MYH4: variants seen among roughly 807,000 people sequenced by gnomAD.
MYH4 encodes the protein myosin-4.
A neutral mutation model predicts 229.9 loss-of-function variants in MYH4; 200 were observed. The ratio of observed to expected loss-of-function variants is 0.87; its 90% confidence interval spans 0.78 to 0.98. The LOEUF (loss-of-function observed/expected upper bound fraction) is 0.98, where lower values mean the gene tolerates loss of function less well. Among genes scored for constraint, MYH4 ranks in the 50% least tolerant of loss-of-function variants. MYH4 has a pLI of 0.00. For synonymous variants in MYH4, 761 were observed against 834.6 expected, an observed-to-expected ratio of 0.91 and a Z score of 1.52; for missense variants, 2,148 against 2,332.6, an observed-to-expected ratio of 0.92 and a Z score of 1.63.
intron 39 of MYH4, 103 bp downstream of exon 39, chr17:10,444,501 G>A (rs2072488596): frequency 1.3e-6 from 1 of 779,428 alleles, no homozygotes; most frequent in Non-Finnish European, 2.1e-6. Context: ...ACCTAATTAT[G>A]TATTCCCAAT....
intron 16 of MYH4, 139 bp downstream of exon 16, chr17:10,457,281 A>T: frequency 1.0e-6 from 1 of 963,486 alleles, no homozygotes; most frequent in Non-Finnish European, 1.5e-6. Flanking sequence ...TATCACAGTT[A>T]TTAAATACAC....
intron 7 of MYH4, among the ~76,000 whole-genome samples, chr17:10,463,856 C>T (rs777531934): frequency 3.9e-5 from 6 of 152,126 alleles, no homozygotes; most frequent in Non-Finnish European, 8.8e-5. Context: ...CAGAAAAGCA[C>T]CTAAAAAATG....
At chr17:10,451,884 C>T (rs2072577221) in intron 27 of MYH4, 57 bp downstream of exon 27, 1 of 1,543,100 alleles carries the variant, frequency 6.5e-7, no homozygotes, top group Non-Finnish European at 8.7e-7. Context: ...CATATATAAA[C>T]TTGGTCATTT....
At position 10,457,615 on chromosome 17, in the gene MYH4, T is replaced by C. The variant is rs779265310; in HGVS notation, c.1702A>G (p.Lys568Glu). The C allele has an allele frequency of 6.2e-7, 1 of 1,614,202 alleles. No individual in the cohort carries two copies. The highest frequency in any genetic ancestry group is 8.5e-7 in the Non-Finnish European group (1 of 1,180,028). ...GGCTTGCCTTTGGCAGGCTTGGGCT[T>C]CTGGAAGTTGTTGGATTTTCCAAGA... ...QHLGKSNNFQ[K>E]PKPAKGKPEA... Residue 568 changes from lysine to glutamate, a missense_variant, in exon 16 of 40, where the codon AAG (lysine) becomes GAG (glutamate). Transcript: ENST00000255381.
At position 10,443,652 on chromosome 17, in the gene MYH4, G is replaced by T; in HGVS notation, c.5668-125C>A. On this transcript the variant is annotated intron_variant, in intron 39 of 39. Transcript: ENST00000255381. This position sits in a 1 kb window ranked among gnomAD's most constrained non-coding sequence, Gnocchi z 4.6. ...AAAGGCTCCGTTGTCCAGGCATGGTGGCTCACACCTGTAATCCCAGCACTC... is the reference window on the plus strand; with the variant it reads ...AAAGGCTCCGTTGTCCAGGCATGGTTGCTCACACCTGTAATCCCAGCACTC... The T allele has an allele frequency of 9.9e-7, 1 of 1,006,986 alleles. No homozygotes were observed. Among genetic ancestry groups the T allele is most frequent in the African/African-American group, 1.6e-5 (1 of 61,810 alleles). The allele number at this position is 1,006,986 out of a possible 1,614,324, so 62.4% of individuals were successfully genotyped here. A position where few individuals can be genotyped will look rare whatever the true frequency, so the allele number is the denominator to read the frequency against.
Position 10,450,652 on chromosome 17 carries a change from A to T in MYH4, c.3985-3T>A. The stretch of plus-strand genomic sequence containing the variant: ...GCATGGGCCAGAGTGCTCTTGGCCT[A>T]GACCAACCAAAAACTATGTGATATA... On this transcript the variant is annotated splice_polypyrimidine_tract_variant and splice_region_variant and intron_variant, in intron 29 of 39. Coordinates refer to ENST00000255381, the MANE Select transcript of MYH4 (RefSeq NM_017533.2). 1.2e-6 allele frequency: 2 copies of T among 1,613,910 alleles called. No individual in the cohort carries two copies. The highest frequency in any genetic ancestry group is 1.7e-6 in the Non-Finnish European group (2 of 1,179,888).
rs779747456 is a variant in MYH4 at position 10,460,008 on chromosome 17, G to A, written c.1360C>T (p.Gln454Ter). Reference protein sequence around the residue: ...TRINQQLDTKQPRQYFIGVLD... With the variant: ...TRINQQLDTK ...ACCCCGATGAAGTACTGCCTGGGCT[G>A]CTTGGTGTCCAGCTGCTGGTTGATG... The change falls in exon 14 of 40, where the codon CAG becomes TAG. Residue 454 changes from glutamine (Q) to a stop codon, truncating the protein, a stop_gained. Transcript: ENST00000255381. LOFTEE classifies it high-confidence loss of function. 1.2e-6 allele frequency: 2 copies of A among 1,613,978 alleles called. No individual in the cohort carries two copies. The highest frequency in any genetic ancestry group is 4.5e-5 in the East Asian group (2 of 44,890).
chr17:10,468,974 A>G (rs1361906464), intron 2 of MYH4, among the ~76,000 whole-genome samples: 2 of 152,198 alleles, frequency 1.3e-5, no homozygotes, highest in Non-Finnish European at 2.9e-5. Context: ...AGATAAACAC[A>G]CCTTGATTTT....
At position 10,459,318 on chromosome 17, in the gene MYH4, T is replaced by A; in HGVS notation, c.1520A>T (p.Glu507Val). ...FVLEQEEYKK[E>V]GIEWEFIDFG... is the part of the protein sequence containing the mutation. ...GTCAATGAACTCCCACTCGATGCCT[T>A]CCTTCTTGTACTCTTCCTGCTCCAG... The change falls in exon 15 of 40, where the codon GAA becomes GTA. Residue 507 changes from glutamate (E) to valine (V), a missense_variant. By Grantham distance (121) the Glu-to-Val change is moderately radical. Coordinates refer to ENST00000255381, the MANE Select transcript of MYH4 (RefSeq NM_017533.2). 6.2e-7 allele frequency: 1 copy of A among 1,614,148 alleles called. No individual in the cohort carries two copies. The highest frequency in any genetic ancestry group is 8.5e-7 in the Non-Finnish European group (1 of 1,180,028).
At chr17:10,455,336 A>T in intron 19 of MYH4, 41 bp from the exon 20 acceptor site, 1 of 1,575,158 alleles carries the variant, frequency 6.3e-7, no homozygotes, top group East Asian at 2.2e-5. Flanking sequence ...GTTTTTCTTC[A>T]CTGAAAAAAA....
intron 14 of MYH4, 80 bp downstream of exon 14, chr17:10,459,871 AG>A: frequency 6.2e-7 from 1 of 1,606,880 alleles, no homozygotes; most frequent in Admixed American, 1.7e-5. Flanking sequence ...ATATTTTGTA[AG>A]GTACATTTTG....
intron 16 of MYH4, 23 bp from the exon 17 acceptor site, chr17:10,456,578 T>C (rs759583343): frequency 1.9e-6 from 3 of 1,603,426 alleles, no homozygotes; most frequent in South Asian, 2.2e-5. Context: ...ATGGGAAAAA[T>C]AAAGTTATTT....
In MYH4 at chr17:10,451,029, G is replaced by A. The variant is rs951704512; in HGVS notation, c.3866-134C>T. ...TCAAGATTTTCAGTGATGTTGAGAA[G>A]GTTATTTCTTGCTTTTTAAAAAATG... On this transcript the variant is annotated intron_variant, in intron 28 of 39. Transcript: ENST00000255381. The A allele has an allele frequency of 3.5e-6, 3 of 865,852 alleles. No individual in the cohort carries two copies. In the African/African-American group the frequency reaches 5.1e-5, roughly 15 times the overall value. 53.6% of individuals were successfully genotyped at this position (865,852 alleles called of 1,614,324 possible).
Position 10,460,915 on chromosome 17 carries a change from C to A in MYH4, c.1147+1G>T. On this transcript the variant is annotated splice_donor_variant, in intron 12 of 39. Coordinates refer to ENST00000255381, the MANE Select transcript of MYH4 (RefSeq NM_017533.2). LOFTEE classifies it high-confidence loss of function. ...TGGAAGATACCAACAGGGGGTGGTA[C>A]CTTCCGTGCCATCTGGCTCTGCCTG... The A allele has an allele frequency of 6.2e-7, 1 of 1,613,914 alleles. No individual in the cohort carries two copies. Among genetic ancestry groups the A allele is most frequent in the Non-Finnish European group, 8.5e-7 (1 of 1,179,914 alleles).
chr17:10,452,390 C>T (rs762375150), intron 26 of MYH4, 26 bp downstream of exon 26: 5 of 1,613,984 alleles, frequency 3.1e-6, no homozygotes, highest in Non-Finnish European at 4.2e-6. Flanking sequence ...CTGTAATGCC[C>T]AGAAAAGGTG....
Position 10,451,441 on chromosome 17 carries a change from C to T in MYH4, c.3750G>A (p.Glu1250=). 6.2e-7 allele frequency: 1 copy of T among 1,613,256 alleles called. No individual in the cohort carries two copies. The highest frequency in any genetic ancestry group is 8.5e-7 in the Non-Finnish European group (1 of 1,179,774). ...ETVSKAKANF[E]KMCRTLEDQL... ...GGTCCTCTAGGGTGCGGCACATTTT[C>T]TCAAAGTTTGCCTGGGGTGAGAGGT... is the stretch of plus-strand genomic sequence containing the variant. The change falls in exon 28 of 40, where the codon GAG becomes GAA. Residue 1250 remains glutamate, a synonymous_variant. Coordinates refer to ENST00000255381, the MANE Select transcript of MYH4 (RefSeq NM_017533.2).
chr17:10,464,336 T>G, intron 7 of MYH4, 136 bp downstream of exon 7: 1 of 772,404 alleles, frequency 1.3e-6, no homozygotes, highest in East Asian at 2.7e-5. Flanking sequence ...AAAAATATGA[T>G]TTTGATCTTT....
Position 10,453,263 on chromosome 17 carries a change from C to T in MYH4, c.3000G>A (p.Lys1000=), listed in dbSNP as rs780348573. 5.0e-6 allele frequency: 8 copies of T among 1,613,968 alleles called. No individual in the cohort carries two copies. Among genetic ancestry groups the T allele is most frequent in the Middle Eastern group, 1.6e-4 (1 of 6,084 alleles). ...GCTGGTGGGCCTCCTGGAGAGCCTT[C>T]TTCTCCTTGGTCAGCTTAGCAATGG... ...DETIAKLTKE[K]KALQEAHQQT... The change falls in exon 24 of 40, where the codon AAG becomes AAA. Residue 1000 remains lysine (K), a synonymous_variant. Transcript: ENST00000255381.
intron 2 of MYH4, among the ~76,000 whole-genome samples, chr17:10,468,284 A>G (rs1405971715): frequency 1.3e-5 from 2 of 152,176 alleles, no homozygotes; most frequent in Non-Finnish European, 2.9e-5. Flanking sequence ...CAGAAAGATG[A>G]TTGCTACCCT....
Sources: gnomAD v4.1 joint callset for allele counts (sites outside exome capture counted in the v4.1 genomes callset) on GRCh38, gnomAD v4.1.1 for gene constraint, Gnocchi (gnomAD v3.1) non-coding constraint, MANE v1.5 for transcripts, NCBI Gene and HGNC (gene_info 2026-07-23, HGNC 2026-07-21) for gene names.